Variants in URB1 observed in about 807,000 individuals in gnomAD.
URB1 encodes URB1 ribosome biogenesis factor.
Under a neutral mutation model 242.3 loss-of-function variants are expected in URB1, and 197 were observed. The observed-to-expected ratio is 0.81, with a 90% CI of 0.72 to 0.91. The LOEUF is 0.91. Among genes scored for constraint, URB1 ranks in the 40% least tolerant of loss-of-function variants. The pLI, the probability that URB1 is intolerant of heterozygous loss-of-function variation, is 0.00. For missense variants in URB1, 2,721 were observed against 2,860.5 expected, an observed-to-expected ratio of 0.95 and a Z score of 1.11; for synonymous variants, 1,153 against 1,201.8, an observed-to-expected ratio of 0.96 and a Z score of 0.84.
chr21:32,352,783 G>C lies in URB1; in HGVS notation c.2540C>G (p.Pro847Arg). The stretch of plus-strand genomic sequence containing the variant: ...AAACCGTGAGAGCTGCTGGCAGCAA[G>C]GCACCAGGCATGGAGGCTCAAGCTT... Reference protein sequence around the residue: ...YDKLEPPCLVPCCQQLSRFNR... With the variant: ...YDKLEPPCLVRCCQQLSRFNR... Residue 847 changes from proline to arginine, a missense_variant, in exon 19 of 39, where the codon CCT becomes CGT. By Grantham distance (103) the Pro-to-Arg change is moderately radical. Transcript: ENST00000382751. 1 of 1,551,734 alleles carries C rather than the reference G, an allele frequency of 6.4e-7. No individual in the cohort carries two copies.
chr21:32,357,152 T>G (rs2033229877), intron 15 of URB1, among the ~76,000 whole-genome samples: 1 of 152,198 alleles, frequency 6.6e-6, no homozygotes, highest in African/African-American at 2.4e-5. Flanking sequence ...TCTCTTCCAC[T>G]GGCTTTGATG....
intron 30 of URB1, among the ~76,000 whole-genome samples, chr21:32,329,762 TAGTTTAGCAATATCTGGACCCAG>T (rs1296631018): frequency 3.2e-4 from 48 of 152,238 alleles, no homozygotes; most frequent in Non-Finnish European, 5.9e-5. Context: ...GGATTGCAGT[TAGTTTAGCAATATCTGGACCCAG>T]ATGCCACCGC....
chr21:32,390,125 C>G (rs1218157771), intron 1 of URB1, among the ~76,000 whole-genome samples: 3 of 152,216 alleles, frequency 2.0e-5, no homozygotes, highest in Non-Finnish European at 4.4e-5. Flanking sequence ...TCCACACTTT[C>G]ACCCATTGAC....
intron 30 of URB1, among the ~76,000 whole-genome samples, chr21:32,331,713 G>C (rs2096461): frequency 5.3e-5 from 8 of 152,128 alleles, no homozygotes; most frequent in African/African-American, 1.9e-4. Flanking sequence ...TGTGAGCCAA[G>C]AGCGGCGATA....
chr21:32,340,559 G>A (rs1001271176), intron 25 of URB1, among the ~76,000 whole-genome samples: 2 of 150,328 alleles, frequency 1.3e-5, no homozygotes, highest in Non-Finnish European at 3.0e-5. Context: ...GCTGCAGTAA[G>A]CCGAGATCAC....
rs774024941 is a variant in URB1, at chr21:32,378,581, CA to C, written c.568-41del. ...AGACCTACATGTCACATGCATATTC[CA>C]CATACAGCCAAAGGAATCAGCAACA... On this transcript the variant is annotated intron_variant, in intron 4 of 38. Coordinates refer to ENST00000382751, the MANE Select transcript of URB1 (RefSeq NM_014825.3). The C allele has an allele frequency of 4.7e-6, 7 of 1,495,512 alleles. No homozygotes were observed. In the African/African-American group the frequency reaches 9.8e-5, roughly 21 times the overall value. The allele number at this position is 1,495,512 out of a possible 1,614,324, so 92.6% of individuals were successfully genotyped here.
intron 35 of URB1, 114 bp from the exon 36 acceptor site, chr21:32,319,528 A>G (rs1408550858): frequency 9.1e-7 from 1 of 1,104,866 alleles, no homozygotes; most frequent in Non-Finnish European, 1.2e-6. Context: ...ATAGTCTCCA[A>G]GTAAAAACAG....
chr21:32,334,122 G>C, intron 29 of URB1, 41 bp downstream of exon 29: 3 of 1,496,280 alleles, frequency 2.0e-6, no homozygotes, highest in Non-Finnish European at 2.7e-6. Flanking sequence ...CCTGAGGCTG[G>C]GGTGAAGGGG....
chr21:32,356,318 G>C (rs79931658), intron 15 of URB1, among the ~76,000 whole-genome samples: 1,890 of 152,316 alleles, frequency 0.012, 40 homozygotes, highest in East Asian at 0.082. Flanking sequence ...CTTGAGCCCA[G>C]AAGGTCAAGA....
chr21:32,355,619 T>C (rs2033211461), intron 15 of URB1, 54 bp from the exon 16 acceptor site: 1 of 1,428,076 alleles, frequency 7.0e-7, no homozygotes, highest in East Asian at 2.5e-5. Flanking sequence ...GCTTTCTTTC[T>C]TTTCTTTGAG....
rs545537019 is a variant in URB1 at position 32,372,558 on chromosome 21, G to A, written c.950C>T (p.Ser317Leu). Reference protein sequence around the residue: ...VHNFLMDLCCSLKHGINFYDA... With the variant: ...VHNFLMDLCCLLKHGINFYDA... ...GTAAAAATTAATTCCATGCTTGAGTGAACAGCAAAGATCCATCAGGAAGTT... is the reference window on the plus strand; with the variant it reads ...GTAAAAATTAATTCCATGCTTGAGTAAACAGCAAAGATCCATCAGGAAGTT... The change falls in exon 8 of 39, where the codon TCA (serine) becomes TTA (leucine). Residue 317 changes from serine to leucine, a missense_variant. Transcript: ENST00000382751. 3.6e-4 allele frequency: 557 copies of A among 1,551,684 alleles called. 11 individuals carry two copies. The Middle Eastern group carries it at 4.0e-3, about 11-fold the overall frequency.
intron 24 of URB1, among the ~76,000 whole-genome samples, chr21:32,342,328 C>T (rs1601133779): frequency 1.3e-5 from 2 of 152,314 alleles, no homozygotes; most frequent in East Asian, 3.9e-4. Flanking sequence ...TCCAGAGAGA[C>T]CAGCTACAGG....
intron 29 of URB1, 98 bp from the exon 30 acceptor site, chr21:32,333,517 T>C: frequency 3.0e-6 from 3 of 1,016,562 alleles, no homozygotes; most frequent in Non-Finnish European, 2.9e-6. Context: ...TCAGAAATGT[T>C]TCAGATTTTG....
intron 1 of URB1, among the ~76,000 whole-genome samples, chr21:32,387,799 G>T (rs750895290): frequency 6.0e-4 from 91 of 152,216 alleles, no homozygotes; most frequent in Non-Finnish European, 1.0e-3. Flanking sequence ...CTCTGCCTTG[G>T]GGCCACAGGC....
chr21:32,353,914 C>T lies in URB1; in HGVS notation c.2416+19G>A. The T allele has an allele frequency of 1.3e-6, 2 of 1,550,656 alleles. No individual in the cohort carries two copies. The highest frequency in any genetic ancestry group is 2.4e-5 in the South Asian group (2 of 83,860). ...AGCCGGCCAGGTGCAGCCAAGACATCCTGACTATACATAGGTACCTGCTTC... is the reference window on the plus strand; with the variant it reads ...AGCCGGCCAGGTGCAGCCAAGACATTCTGACTATACATAGGTACCTGCTTC... On this transcript the variant is annotated intron_variant, in intron 18 of 38. Coordinates refer to ENST00000382751, the MANE Select transcript of URB1 (RefSeq NM_014825.3).
At chr21:32,360,985 T>A in intron 13 of URB1, 22 bp downstream of exon 13, 1 of 1,511,022 alleles carries the variant, frequency 6.6e-7, no homozygotes, top group Non-Finnish European at 8.9e-7. Context: ...TGGCGGCTTG[T>A]CTGCAAGACC....
In URB1 at chr21:32,316,572, G is replaced by T; in HGVS notation, c.6528C>A (p.Val2176=). 6.4e-7 allele frequency: 1 copy of T among 1,551,398 alleles called. No homozygotes were observed. The highest frequency in any genetic ancestry group is 1.2e-5 in the South Asian group (1 of 84,018). ...CCTGGGCAGCCACCAGCTGCAGCATGACCGTATTGAACAGGCAGGCCACCT... is the reference window on the plus strand; with the variant it reads ...CCTGGGCAGCCACCAGCTGCAGCATTACCGTATTGAACAGGCAGGCCACCT... ...VQEVACLFNT[V]MLQLVAAQGR... The change falls in exon 38 of 39, where the codon GTC becomes GTA. Residue 2176 remains valine (V), a synonymous_variant. Coordinates refer to ENST00000382751, the MANE Select transcript of URB1 (RefSeq NM_014825.3).
chr21:32,372,388 A>G, intron 8 of URB1, 119 bp downstream of exon 8: 1 of 1,327,454 alleles, frequency 7.5e-7, no homozygotes, highest in East Asian at 2.6e-5. Context: ...CCCTGAAACG[A>G]GTTAGATAAT....
chr21:32,368,679 G>T (rs2033373005), intron 8 of URB1, 81 bp from the exon 9 acceptor site: 1 of 1,226,318 alleles, frequency 8.2e-7, no homozygotes, highest in East Asian at 2.6e-5. Flanking sequence ...GTGCAGCTCT[G>T]CAGAATTGCC....
Sources: allele counts gnomAD v4.1 joint callset (sites outside exome capture counted in the v4.1 genomes callset), GRCh38; gene constraint gnomAD v4.1.1; transcripts MANE v1.5; gene names NCBI Gene and HGNC (gene_info 2026-07-23, HGNC 2026-07-21).